Variants in DMXL2 observed in about 807,000 individuals in gnomAD.
DMXL2 encodes Dmx like 2, also known as dmX-like protein 2.
A neutral mutation model predicts 331.1 loss-of-function variants in DMXL2; 103 were observed. The observed-to-expected ratio is 0.31, with a 90% CI of 0.27 to 0.37. The LOEUF (loss-of-function observed/expected upper bound fraction) is 0.37. DMXL2 is among the 10% of genes least tolerant of loss of function. The pLI, the probability that DMXL2 is intolerant of heterozygous loss-of-function variation, is 1.00. For synonymous variants in DMXL2, 1,281 were observed against 1,252.1 expected, an observed-to-expected ratio of 1.02 and a Z score of -0.49; for missense variants, 3,171 against 3,642.9, an observed-to-expected ratio of 0.87 and a Z score of 3.33.
intron 17 of DMXL2, among the ~76,000 whole-genome samples, chr15:51,502,421 C>A (rs1178243389): frequency 1.3e-5 from 2 of 151,714 alleles, no homozygotes; most frequent in African/African-American, 2.4e-5. Context: ...CTCTCGAGTT[C>A]AAGCAATTCC....
intron 3 of DMXL2, 95 bp downstream of exon 3, chr15:51,568,392 T>C (rs1269237087): frequency 6.5e-6 from 5 of 770,536 alleles, no homozygotes; most frequent in Non-Finnish European, 1.0e-5. Context: ...CTAGTCTATT[T>C]TCAGCACTAG....
chr15:51,590,337 C>A (rs1480989631), intron 1 of DMXL2, among the ~76,000 whole-genome samples: 1 of 152,124 alleles, frequency 6.6e-6, no homozygotes, highest in African/African-American at 2.4e-5. Flanking sequence ...CTCATGTAAG[C>A]CAGTTTTAAT....
intron 24 of DMXL2, among the ~76,000 whole-genome samples, 179 bp from the exon 25 acceptor site, chr15:51,480,318 A>C (rs1490223023): frequency 2.0e-5 from 3 of 152,222 alleles, no homozygotes; most frequent in African/African-American, 7.2e-5. Context: ...TGGTATATAG[A>C]TAAATATGAC....
intron 12 of DMXL2, 145 bp from the exon 13 acceptor site, chr15:51,535,929 C>A (rs879133586): frequency 5.9e-6 from 6 of 1,020,184 alleles, no homozygotes; most frequent in Non-Finnish European, 6.8e-6. Flanking sequence ...TAAGTAGATA[C>A]AAAATTATTA....
chr15:51,579,618 G>A (rs867992088), intron 1 of DMXL2, among the ~76,000 whole-genome samples: 7 of 152,246 alleles, frequency 4.6e-5, no homozygotes, highest in Non-Finnish European at 5.9e-5. Context: ...CTTCCTAACC[G>A]AATGTCTGGC....
At chr15:51,573,913 C>G (rs1209964805) in intron 2 of DMXL2, among the ~76,000 whole-genome samples, 3 of 151,872 alleles carry the variant, frequency 2.0e-5, no homozygotes, top group East Asian at 3.9e-4. Context: ...TATAAAATAA[C>G]TATTAAAAAA....
chr15:51,504,049 C>A (rs1449418529), intron 16 of DMXL2, among the ~76,000 whole-genome samples: 1 of 152,030 alleles, frequency 6.6e-6, no homozygotes, highest in African/African-American at 2.4e-5. Context: ...TGCTTACAAC[C>A]TTTAAAACAC....
At chr15:51,506,450 CTT>C (rs531570148) in intron 16 of DMXL2, among the ~76,000 whole-genome samples, 10 of 121,948 alleles carry the variant, frequency 8.2e-5, no homozygotes, top group East Asian at 2.3e-4. Flanking sequence ...AGCAATTCTG[CTT>C]TTTTTTTTTT....
rs1251537324 is a variant in DMXL2, at chr15:51,536,862, C to T, written c.1618G>A (p.Val540Ile). 6.3e-7 allele frequency: 1 copy of T among 1,590,968 alleles called. No individual in the cohort carries two copies. The highest frequency in any genetic ancestry group is 1.8e-5 in the Admixed American group (1 of 54,382). Reference sequence around the variant, plus strand: ...ACAGGAATCCGAGAAGAAAAAGAAACCTGAAAAACATAATTATATGATTCA... The same window carrying T: ...ACAGGAATCCGAGAAGAAAAAGAAATCTGAAAAACATAATTATATGATTCA... Reference protein sequence around the residue: ...YNPGIFRQVQVSFSSRIPVAF... With the variant: ...YNPGIFRQVQISFSSRIPVAF... Residue 540 changes from valine (V) to isoleucine (I), a missense_variant and splice_region_variant, in exon 12 of 44, where the codon GTT becomes ATT. By Grantham distance (29) the Val-to-Ile change is conservative (BLOSUM62 3). Transcript: ENST00000560891.
intron 24 of DMXL2, 67 bp downstream of exon 24, chr15:51,480,475 G>T (rs2041931152): frequency 6.9e-7 from 1 of 1,457,730 alleles, no homozygotes; most frequent in East Asian, 2.3e-5. Flanking sequence ...GAGCTTTATA[G>T]CTATAACTGG....
Position 51,535,759 on chromosome 15 carries a change from A to T in DMXL2, c.2340T>A (p.Ala780=). The change falls in exon 13 of 44, where the codon GCT becomes GCA. Residue 780 remains alanine, a synonymous_variant. Transcript: ENST00000560891. ...TTTTGCCATCAGAAGCAACAAAGCA[A>T]GCACTTGCAGAATTGCAGTATGTGC... ...CLGTYCNSAS[A]CFVASDGKNL... 6.2e-7 allele frequency: 1 copy of T among 1,610,358 alleles called. No homozygotes were observed. Among genetic ancestry groups the T allele is most frequent in the Non-Finnish European group, 8.5e-7 (1 of 1,178,112 alleles).
At chr15:51,615,750 T>C (rs1040633921) in intron 1 of DMXL2, among the ~76,000 whole-genome samples, 1 of 152,190 alleles carries the variant, frequency 6.6e-6, no homozygotes, top group African/African-American at 2.4e-5. Flanking sequence ...CTCTTAAGTG[T>C]GGATGCAGTC....
Position 51,502,896 on chromosome 15 carries a change from T to C in DMXL2, c.2902A>G (p.Ser968Gly), listed in dbSNP as rs759404698. Residue 968 changes from serine to glycine, a missense_variant, in exon 17 of 44, where the codon AGT becomes GGT. Transcript: ENST00000560891. ...AGTCTAGAACTCAGAATAAGTTTAC[T>C]GGCAGTTTGAAGATTGGCAATTGAT... ...SSSIANLQTA[S>G]KLILSSRLVY... The C allele has an allele frequency of 6.2e-7, 1 of 1,614,160 alleles. No homozygotes were observed. The highest frequency in any genetic ancestry group is 8.5e-7 in the Non-Finnish European group (1 of 1,180,004).
At chr15:51,554,476 T>C (rs1352838515) in intron 6 of DMXL2, among the ~76,000 whole-genome samples, 1 of 152,234 alleles carries the variant, frequency 6.6e-6, no homozygotes, top group Non-Finnish European at 1.5e-5. Context: ...ATTATATTAT[T>C]TCTCAAACTG....
At chr15:51,602,429 G>A (rs533514692) in intron 1 of DMXL2, among the ~76,000 whole-genome samples, 3 of 151,940 alleles carry the variant, frequency 2.0e-5, no homozygotes, top group Non-Finnish European at 2.9e-5. Context: ...GTGGATCCAC[G>A]TTGCTCTTTT....
chr15:51,458,362 T>C, intron 36 of DMXL2, 144 bp downstream of exon 36: 1 of 765,784 alleles, frequency 1.3e-6, no homozygotes, highest in Non-Finnish European at 2.1e-6. Context: ...AGACTTTCAC[T>C]GGCAGCTAAA....
chr15:51,477,936 C>T (rs1012551389), intron 26 of DMXL2, among the ~76,000 whole-genome samples: 7 of 151,904 alleles, frequency 4.6e-5, no homozygotes, highest in Admixed American at 1.3e-4. Context: ...AGCTGCTAAT[C>T]CAATGCAAAA....
chr15:51,498,991 G>C lies in DMXL2; in HGVS notation c.4233C>G (p.Thr1411=). The change falls in exon 18 of 44, where the codon ACC becomes ACG. Residue 1411 remains threonine (T), a synonymous_variant. Coordinates refer to ENST00000560891, the MANE Select transcript of DMXL2 (RefSeq NM_001378457.1). ...AATCTCGAGTACCATCTTTTCCTACGGTGACTGTTTCCTTTGCTGTACTGC... is the reference window on the plus strand; with the variant it reads ...AATCTCGAGTACCATCTTTTCCTACCGTGACTGTTTCCTTTGCTGTACTGC... ...VSGSTAKETV[T]VGKDGTRDYT... 1 of 1,613,904 alleles carries C rather than the reference G, an allele frequency of 6.2e-7. No individual in the cohort carries two copies. The highest frequency in any genetic ancestry group is 1.6e-4 in the Middle Eastern group (1 of 6,062).
Position 51,535,700 on chromosome 15 carries a change from C to T in DMXL2, c.2399G>A (p.Arg800Lys), listed in dbSNP as rs769759594. Residue 800 changes from arginine (R) to lysine (K), a missense_variant, in exon 13 of 44, where the codon AGG becomes AAG. Arg to Lys is a conservative substitution (Grantham distance 26, BLOSUM62 2). Coordinates refer to ENST00000560891, the MANE Select transcript of DMXL2 (RefSeq NM_001378457.1). ...GTCTGACAATTCATCTAATAATTTC[C>T]TTGCATCCACTACAGCTTGATAGAG... ...LRLYQAVVDARKLLDELSDPE... is the reference protein window; with the variant it reads ...LRLYQAVVDAKKLLDELSDPE... 6.2e-7 allele frequency: 1 copy of T among 1,606,348 alleles called. No individual in the cohort carries two copies. Among genetic ancestry groups the T allele is most frequent in the Non-Finnish European group, 8.5e-7 (1 of 1,176,408 alleles).
Sources: allele counts gnomAD v4.1 joint callset (sites outside exome capture counted in the v4.1 genomes callset), GRCh38; gene constraint gnomAD v4.1.1; transcripts MANE v1.5; gene names NCBI Gene and HGNC (gene_info 2026-07-23, HGNC 2026-07-21).